Variants in TRMT11 observed in about 807,000 individuals in gnomAD.
TRMT11 encodes the protein tRNA (guanine(10)-N(2))-methyltransferase TRMT11.
In TRMT11, 53 loss-of-function variants were observed where a neutral mutation model predicts 62.8. The ratio of observed to expected loss-of-function variants is 0.84; its 90% CI spans 0.68 to 1.06. The LOEUF (loss-of-function observed/expected upper bound fraction) is 1.06, where lower values mean the gene tolerates loss of function less well. Ranked by LOEUF, TRMT11 falls within the 50% of genes least tolerant of loss-of-function variation. The probability of loss-of-function intolerance (pLI) is 0.00; values close to 1 mark genes in which losing one functional copy is unlikely to be tolerated. For synonymous variants in TRMT11, 188 were observed against 190.3 expected, an observed-to-expected ratio of 0.99 and a Z score of 0.10; for missense variants, 556 against 553.4, an observed-to-expected ratio of 1.00 and a Z score of -0.05.
the TRMT11 span, among the ~76,000 whole-genome samples, chr6:126,231,054 T>G: frequency 6.6e-6 from 1 of 152,354 alleles, no homozygotes; most frequent in East Asian, 1.9e-4. Context: ...ATAATGTGGC[T>G]GATAAAAAAT....
At chr6:126,107,248 C>A (rs1777474557) in intron 17 of TRMT11, among the ~76,000 whole-genome samples, 1 of 152,126 alleles carries the variant, frequency 6.6e-6, no homozygotes, top group African/African-American at 2.4e-5. Flanking sequence ...TCCTTCCTGA[C>A]AGTTGTTGGT....
intron 1 of TRMT11, among the ~76,000 whole-genome samples, chr6:126,182,960 G>A (rs1400589627): frequency 2.6e-5 from 4 of 152,018 alleles, no homozygotes; most frequent in African/African-American, 9.7e-5. Context: ...TTCAACTGGG[G>A]CTGTTGGAAC....
chr6:126,173,856 G>T (rs2128237571), upstream of TRMT11, among the ~76,000 whole-genome samples: 1 of 152,284 alleles, frequency 6.6e-6, no homozygotes, highest in East Asian at 1.9e-4. Flanking sequence ...GAAGTGATTA[G>T]TGTGTCATGT....
At chr6:126,238,078 G>A in the TRMT11 span, among the ~76,000 whole-genome samples, 1 of 152,068 alleles carries the variant, frequency 6.6e-6, no homozygotes, top group Admixed American at 6.6e-5. Context: ...CATTTTTATT[G>A]TGTCTATTTG....
At chr6:126,196,542 T>C (rs1778668242) in intron 1 of TRMT11, among the ~76,000 whole-genome samples, 1 of 152,022 alleles carries the variant, frequency 6.6e-6, no homozygotes, top group Admixed American at 6.6e-5. Flanking sequence ...TCTTTAATAG[T>C]ATTTGACATA....
At chr6:126,221,634 G>T in the TRMT11 span, among the ~76,000 whole-genome samples, 1 of 152,218 alleles carries the variant, frequency 6.6e-6, no homozygotes, top group East Asian at 1.9e-4. Context: ...GTTCCTGATA[G>T]ATTCTGGATA....
chr6:126,235,083 C>T, the TRMT11 span, among the ~76,000 whole-genome samples: 3 of 152,066 alleles, frequency 2.0e-5, no homozygotes, highest in Non-Finnish European at 4.4e-5. Flanking sequence ...ATACATACAG[C>T]CAACAAACAT....
intron 7 of TRMT11, 91 bp downstream of exon 7, chr6:125,999,704 G>A: frequency 1.7e-6 from 2 of 1,168,210 alleles, no homozygotes; most frequent in Non-Finnish European, 2.4e-6. Context: ...AAGAGTAAAT[G>A]GATAATCTTT....
chr6:126,188,240 T>C (rs1778548717), intron 1 of TRMT11, among the ~76,000 whole-genome samples: 4 of 151,976 alleles, frequency 2.6e-5, no homozygotes, highest in Admixed American at 6.6e-5. Context: ...TGCTTATATT[T>C]GACAAGATTC....
At chr6:126,094,777 A>G (rs961689709) in intron 17 of TRMT11, among the ~76,000 whole-genome samples, 1 of 152,176 alleles carries the variant, frequency 6.6e-6, no homozygotes, top group Non-Finnish European at 1.5e-5. Context: ...CATATTAACT[A>G]TGGTCTATTT....
At chr6:126,272,177 C>T in the TRMT11 span, among the ~76,000 whole-genome samples, 5 of 152,046 alleles carry the variant, frequency 3.3e-5, no homozygotes, top group South Asian at 2.1e-4. Context: ...TTGTATATGG[C>T]GCTTGCATTG....
chr6:126,120,670 TA>T (rs1777639753), intron 21 of TRMT11, among the ~76,000 whole-genome samples: 1 of 152,150 alleles, frequency 6.6e-6, no homozygotes, highest in African/African-American at 2.4e-5. Flanking sequence ...TGATTCTGGA[TA>T]GTATTGTAGT....
intron 17 of TRMT11, among the ~76,000 whole-genome samples, chr6:126,107,121 C>G (rs1171220022): frequency 1.3e-5 from 2 of 152,020 alleles, no homozygotes; most frequent in Non-Finnish European, 2.9e-5. Context: ...GAGAGCGTTG[C>G]TTGGATTTCT....
intron 21 of TRMT11, among the ~76,000 whole-genome samples, chr6:126,120,944 C>T (rs1049810762): frequency 1.3e-5 from 2 of 152,084 alleles, no homozygotes; most frequent in African/African-American, 4.8e-5. Context: ...TCTGGCCTCA[C>T]TGCCTTGGTA....
intron 1 of TRMT11, among the ~76,000 whole-genome samples, chr6:126,183,088 T>G (rs1778485568): frequency 6.6e-6 from 1 of 152,154 alleles, no homozygotes; most frequent in African/African-American, 2.4e-5. Flanking sequence ...GTAGACTGAT[T>G]GATGACATTT....
the TRMT11 span, among the ~76,000 whole-genome samples, chr6:126,233,828 T>C: frequency 6.6e-6 from 1 of 152,138 alleles, no homozygotes; most frequent in South Asian, 2.1e-4. Context: ...TCTAATACTT[T>C]CTTGTAGAGG....
intron 21 of TRMT11, among the ~76,000 whole-genome samples, chr6:126,124,304 A>C (rs1027421134): frequency 2.6e-5 from 4 of 152,018 alleles, no homozygotes; most frequent in African/African-American, 9.7e-5. Flanking sequence ...GGCTGGTCTT[A>C]GGTTGGATGG....
chr6:126,174,720 T>C (rs73771406), upstream of TRMT11, among the ~76,000 whole-genome samples: 3,316 of 152,332 alleles, frequency 0.022, 130 homozygotes, highest in African/African-American at 0.073. Flanking sequence ...TTTTTCTCTT[T>C]GGTCTACATC....
At chr6:126,114,764 TTTTA>T (rs1362227041) in intron 19 of TRMT11, among the ~76,000 whole-genome samples, 2 of 152,094 alleles carry the variant, frequency 1.3e-5, no homozygotes, top group African/African-American at 2.4e-5. Flanking sequence ...TTAACAAATA[TTTTA>T]TTTGTTATTC....
Sources: allele counts gnomAD v4.1 joint callset (sites outside exome capture counted in the v4.1 genomes callset), GRCh38; gene constraint gnomAD v4.1.1; transcripts MANE v1.5; gene names NCBI Gene and HGNC (gene_info 2026-07-23, HGNC 2026-07-21).